SH3PXD2B: variants seen among roughly 807,000 people sequenced by gnomAD.
SH3PXD2B encodes the protein SH3 and PX domains 2B.
SH3PXD2B carries 37 observed loss-of-function variants against 73.1 expected under a neutral mutation model. That is an observed-to-expected ratio of 0.51 (90% CI 0.39 to 0.67). SH3PXD2B has a LOEUF of 0.67. SH3PXD2B is among the 30% of genes least tolerant of loss of function. SH3PXD2B has a pLI of 0.00. For missense variants in SH3PXD2B, 1,053 were observed against 1,197.8 expected, an observed-to-expected ratio of 0.88 and a Z score of 1.78; for synonymous variants, 457 against 480.5, an observed-to-expected ratio of 0.95 and a Z score of 0.64.
downstream of SH3PXD2B, among the ~76,000 whole-genome samples, chr5:172,329,038 T>TAC (rs2113215686): frequency 2.3e-5 from 3 of 129,530 alleles, no homozygotes; most frequent in East Asian, 2.1e-4. Flanking sequence ...TATACGTATA[T>TAC]ATATGTATGT....
chr5:172,452,598 G>A (rs1340336260), intron 1 of SH3PXD2B, among the ~76,000 whole-genome samples: 1 of 152,146 alleles, frequency 6.6e-6, no homozygotes, highest in Admixed American at 6.5e-5. Context: ...CCCTCTGCCT[G>A]ATATGGGCGT....
At chr5:172,369,620 T>G (rs947686251) in intron 6 of SH3PXD2B, among the ~76,000 whole-genome samples, 1 of 152,054 alleles carries the variant, frequency 6.6e-6, no homozygotes, top group East Asian at 1.9e-4. Flanking sequence ...ATGCAAAAAT[T>G]AGCCAGGCAT....
chr5:172,385,158 G>A (rs982801420), intron 4 of SH3PXD2B, among the ~76,000 whole-genome samples: 1 of 152,062 alleles, frequency 6.6e-6, no homozygotes, highest in Non-Finnish European at 1.5e-5. Flanking sequence ...CTCCCCATGG[G>A]CCTCTTTTTC....
At position 172,335,352 on chromosome 5, in the gene SH3PXD2B, C is replaced by G; in HGVS notation, c.*3017G>C. 8.3e-7 allele frequency: 1 copy of G among 1,210,760 alleles called. No homozygotes were observed. Among genetic ancestry groups the G allele is most frequent in the Non-Finnish European group, 1.0e-6 (1 of 975,254 alleles). 75.0% of individuals were successfully genotyped at this position (1,210,760 alleles called of 1,614,324 possible). A position where few individuals can be genotyped will look rare whatever the true frequency, so the allele number is the denominator to read the frequency against. On this transcript the variant is annotated 3_prime_UTR_variant, in exon 13 of 13. Coordinates refer to ENST00000311601, the MANE Select transcript of SH3PXD2B (RefSeq NM_001017995.3). ...GCACCGAAATTCAGAGGGAGGGTCA[C>G]TTGATTCCCTGGAAGCCCTCCGCAC...
intron 1 of SH3PXD2B, among the ~76,000 whole-genome samples, chr5:172,446,769 C>T (rs1759672152): frequency 6.6e-6 from 1 of 152,248 alleles, no homozygotes; most frequent in Non-Finnish European, 1.5e-5. Flanking sequence ...GCTGGATCTG[C>T]AGAACTTGAG....
downstream of SH3PXD2B, among the ~76,000 whole-genome samples, chr5:172,328,936 G>A (rs951636663): frequency 6.6e-6 from 1 of 151,470 alleles, no homozygotes; most frequent in Non-Finnish European, 1.5e-5. Flanking sequence ...AGTTTCCCAC[G>A]TAACAATATT....
At chr5:172,438,153 G>A (rs569635719) in intron 1 of SH3PXD2B, among the ~76,000 whole-genome samples, 7 of 152,234 alleles carry the variant, frequency 4.6e-5, no homozygotes, top group African/African-American at 1.4e-4. Flanking sequence ...CACTGCCTCT[G>A]GCGGGAACAT....
intron 8 of SH3PXD2B, among the ~76,000 whole-genome samples, chr5:172,356,251 A>G (rs780560406): frequency 6.6e-6 from 1 of 152,196 alleles, no homozygotes; most frequent in Non-Finnish European, 1.5e-5. Flanking sequence ...GCCAACAAGC[A>G]GAGAGGTGGT....
At chr5:172,449,399 C>T (rs905108448) in intron 1 of SH3PXD2B, among the ~76,000 whole-genome samples, 3 of 152,226 alleles carry the variant, frequency 2.0e-5, no homozygotes, top group South Asian at 2.1e-4. Context: ...CCAATTCCCA[C>T]GCAGCCACTC....
chr5:172,413,435 T>C (rs1758748779), intron 2 of SH3PXD2B, among the ~76,000 whole-genome samples: 1 of 152,234 alleles, frequency 6.6e-6, no homozygotes, highest in Non-Finnish European at 1.5e-5. Flanking sequence ...ATTTTCTCAG[T>C]TCAACCCCCT....
At position 172,333,808 on chromosome 5, in the gene SH3PXD2B, C is replaced by T. The variant is rs755005384; in HGVS notation, c.*4561G>A. 2.0e-4 allele frequency: 264 copies of T among 1,288,722 alleles called. 4 individuals are homozygous for T. Among genetic ancestry groups the T allele is most frequent in the South Asian group, 1.9e-3 (156 of 80,774 alleles). 79.8% of individuals were successfully genotyped at this position (1,288,722 alleles called of 1,614,324 possible). On this transcript the variant is annotated 3_prime_UTR_variant, in exon 13 of 13. Transcript: ENST00000311601. ...AGAAATGGCCTGTTACTTGGAAGCTCCCCAAAGCAGGAAATGTGGGTTGTA... is the reference window on the plus strand; with the variant it reads ...AGAAATGGCCTGTTACTTGGAAGCTTCCCAAAGCAGGAAATGTGGGTTGTA...
At chr5:172,379,769 G>C (rs1480389217) in intron 5 of SH3PXD2B, among the ~76,000 whole-genome samples, 1 of 152,172 alleles carries the variant, frequency 6.6e-6, no homozygotes, top group African/African-American at 2.4e-5. Flanking sequence ...TTTCACAATA[G>C]AGCAAGTGGA....
chr5:172,452,761 C>T (rs1186458124), intron 1 of SH3PXD2B, among the ~76,000 whole-genome samples: 2 of 152,150 alleles, frequency 1.3e-5, no homozygotes, highest in East Asian at 1.9e-4. Flanking sequence ...AAACTGTCTT[C>T]ATGCCAAAGA....
intron 1 of SH3PXD2B, among the ~76,000 whole-genome samples, chr5:172,446,817 G>A (rs1178502052): frequency 6.6e-6 from 1 of 152,338 alleles, no homozygotes; most frequent in South Asian, 2.1e-4. Flanking sequence ...CTGCAAGCAC[G>A]ATGGGGAAGG....
intron 4 of SH3PXD2B, among the ~76,000 whole-genome samples, chr5:172,394,017 C>G (rs1278451234): frequency 5.9e-5 from 9 of 152,132 alleles, no homozygotes; most frequent in Admixed American, 3.9e-4. Context: ...CATCTCAGCT[C>G]ACTGCAACCT....
At chr5:172,441,769 C>T (rs1032026141) in intron 1 of SH3PXD2B, among the ~76,000 whole-genome samples, 1 of 152,038 alleles carries the variant, frequency 6.6e-6, no homozygotes, top group African/African-American at 2.4e-5. Flanking sequence ...GAGAAGAGAA[C>T]TAGATAGGAA....
intron 2 of SH3PXD2B, among the ~76,000 whole-genome samples, chr5:172,413,252 G>A (rs934010675): frequency 3.7e-4 from 57 of 152,196 alleles, no homozygotes; most frequent in Admixed American, 3.7e-3. Context: ...GGTGTCCCTG[G>A]GCCTAGTCTA....
In SH3PXD2B at chr5:172,346,179, G is replaced by A. The variant is rs1275846164; in HGVS notation, c.1145C>T (p.Thr382Ile). The change falls in exon 12 of 13, where the codon ACC becomes ATC. Residue 382 changes from threonine to isoleucine, a missense_variant. By Grantham distance (89) the Thr-to-Ile change is moderately conservative (BLOSUM62 -1). Coordinates refer to ENST00000311601, the MANE Select transcript of SH3PXD2B (RefSeq NM_001017995.3). ...EYYTIAEFQT[T>I]IPDGISFQAG... ...CTGGAAGCTGATGCCGTCTGGGATG[G>A]TTGTCTGGAATTCGGCGATGGTGTA... The A allele has an allele frequency of 1.9e-6, 3 of 1,614,164 alleles. No individual in the cohort carries two copies. Among genetic ancestry groups the A allele is most frequent in the Admixed American group, 1.7e-5 (1 of 60,032 alleles).
downstream of SH3PXD2B, among the ~76,000 whole-genome samples, chr5:172,329,081 A>ATTTTTTTTTTTTTTTT (rs67185423): frequency 5.9e-5 from 4 of 68,234 alleles, no homozygotes; most frequent in African/African-American, 2.5e-4. Flanking sequence ...ATATATATAT[A>ATTTTTTTTTTTTTTTT]TATTTTTTTT....
Sources: allele counts gnomAD v4.1 joint callset (sites outside exome capture counted in the v4.1 genomes callset), GRCh38; gene constraint gnomAD v4.1.1; transcripts MANE v1.5; gene names NCBI Gene and HGNC (gene_info 2026-07-23, HGNC 2026-07-21).